MAP1B: variants seen among roughly 807,000 people sequenced by gnomAD.
MAP1B encodes microtubule-associated protein 1B.
Under a neutral mutation model 176.1 loss-of-function variants are expected in MAP1B, and 12 were observed. That is an observed-to-expected ratio of 0.07 (90% CI 0.04 to 0.11). MAP1B has a LOEUF of 0.11. Among genes scored for constraint, MAP1B ranks in the 10% least tolerant of loss-of-function variants. The pLI is 1.00. For synonymous variants in MAP1B, 1,044 were observed against 1,135.0 expected (o/e 0.92, Z 1.61); for missense variants, 2,523 against 2,990.5 (o/e 0.84, Z 3.65).
intron 2 of MAP1B, among the ~76,000 whole-genome samples, chr5:72,151,349 C>T (rs928686863): frequency 1.3e-5 from 2 of 152,186 alleles, no homozygotes; most frequent in African/African-American, 4.8e-5. Flanking sequence ...TCACCTCAGA[C>T]ACCCTCACAT....
rs1747245536 is a variant in MAP1B at position 72,198,663 on chromosome 5, G to T, written c.5308G>T (p.Val1770Leu). The T allele has an allele frequency of 2.5e-6, 4 of 1,614,016 alleles. No homozygotes were observed. The South Asian group carries it at 3.3e-5, about 13-fold the overall frequency. Residue 1770 changes from valine to leucine, a missense_variant, in exon 5 of 7, where the codon GTG becomes TTG. By Grantham distance (32) the Val-to-Leu change is conservative. Around this residue, in one of 4 missense-constraint regions of MAP1B, gnomAD observed 1,925 missense variants for 2,126.0 expected, o/e 0.91. Coordinates refer to ENST00000296755, the MANE Select transcript of MAP1B (RefSeq NM_005909.5). ...SLYASLTSEK[V>L]QSLEGEKLSP... ...ATATGCCTCACTCACCTCTGAAAAAGTGCAAAGTCTGGAAGGAGAGAAGCT... is the reference window on the plus strand; with the variant it reads ...ATATGCCTCACTCACCTCTGAAAAATTGCAAAGTCTGGAAGGAGAGAAGCT...
chr5:72,140,178 G>T (rs551932801), intron 2 of MAP1B, among the ~76,000 whole-genome samples: 1 of 152,056 alleles, frequency 6.6e-6, no homozygotes, highest in Non-Finnish European at 1.5e-5. Context: ...GCCCAGGCTG[G>T]TCTTGAACTC....
At position 72,197,582 on chromosome 5, in the gene MAP1B, T is replaced by C. The variant is rs1747213959; in HGVS notation, c.4227T>C (p.Ala1409=). 1.2e-6 allele frequency: 2 copies of C among 1,614,070 alleles called. No individual in the cohort carries two copies. Among genetic ancestry groups the C allele is most frequent in the African/African-American group, 1.3e-5 (1 of 74,900 alleles). ...CGCCCCTCATTGGATCCGAGTCTGC[T>C]TATGAAAGTTTTCTAAGTGCTGATG... ...RSPPLIGSES[A]YESFLSADDK... The change falls in exon 5 of 7, where the codon GCT becomes GCC. Residue 1409 remains alanine (A), a synonymous_variant. Transcript: ENST00000296755.
chr5:72,190,946 A>G (rs1747012648), intron 4 of MAP1B, among the ~76,000 whole-genome samples: 1 of 152,262 alleles, frequency 6.6e-6, no homozygotes, highest in South Asian at 2.1e-4. Context: ...TATTTCTTAC[A>G]TCTTCCTTCC....
At chr5:72,177,284 A>C (rs908273954) in intron 2 of MAP1B, among the ~76,000 whole-genome samples, 1 of 152,156 alleles carries the variant, frequency 6.6e-6, no homozygotes, top group Non-Finnish European at 1.5e-5. Flanking sequence ...AGAGCCGCTC[A>C]TTGTAGCTTC....
chr5:72,155,756 A>ATTC, intron 2 of MAP1B, among the ~76,000 whole-genome samples: 2 of 131,384 alleles, frequency 1.5e-5, no homozygotes, highest in Non-Finnish European at 3.3e-5. Context: ...TGATTGATTG[A>ATTC]TTTTCTTTTC....
At chr5:72,125,344 G>C (rs1353675148) in intron 2 of MAP1B, among the ~76,000 whole-genome samples, 1 of 152,186 alleles carries the variant, frequency 6.6e-6, no homozygotes, top group Non-Finnish European at 1.5e-5. Flanking sequence ...GCATACATGA[G>C]AGAAAGAGAG....
intron 1 of MAP1B, among the ~76,000 whole-genome samples, chr5:72,108,366 C>G (rs1294126336): frequency 1.3e-5 from 2 of 152,254 alleles, no homozygotes; most frequent in Non-Finnish European, 2.9e-5. Flanking sequence ...GCCTCGCTAC[C>G]GCCCTTGGGG....
At chr5:72,166,269 A>G (rs887914049) in intron 2 of MAP1B, among the ~76,000 whole-genome samples, 2 of 152,186 alleles carry the variant, frequency 1.3e-5, no homozygotes, top group African/African-American at 4.8e-5. Flanking sequence ...CCTAAGCAGC[A>G]CTGATTTCAT....
intron 2 of MAP1B, among the ~76,000 whole-genome samples, chr5:72,142,200 G>A (rs1401216537): frequency 6.6e-6 from 1 of 152,204 alleles, no homozygotes; most frequent in Non-Finnish European, 1.5e-5. Flanking sequence ...AAGGTGGCTG[G>A]GAGTGGAAGG....
rs1580008709 is a variant in MAP1B, at chr5:72,177,057, A to AT, written c.287-6684dup. ...CTATTGGTCTTTGGGGATCCGTGGAATTAGAACCAAGTCTCCTACCACCTT... is the reference window on the plus strand; with the variant it reads ...CTATTGGTCTTTGGGGATCCGTGGAATTTAGAACCAAGTCTCCTACCACCTT... On this transcript the variant is annotated intron_variant, in intron 2 of 6. Coordinates refer to ENST00000296755, the MANE Select transcript of MAP1B (RefSeq NM_005909.5). Among the ~76,000 whole-genome samples the AT allele has an allele frequency of 3.9e-5, 6 of 152,274 alleles. No homozygotes were observed. In the East Asian group the frequency reaches 1.2e-3, roughly 29 times the overall value.
intron 2 of MAP1B, among the ~76,000 whole-genome samples, chr5:72,150,597 C>T (rs189602154): frequency 6.6e-6 from 1 of 152,178 alleles, no homozygotes; most frequent in Admixed American, 6.5e-5. Context: ...ATTTCATCAC[C>T]CAGGTGTTAA....
chr5:72,157,171 A>C (rs1028873851), intron 2 of MAP1B, among the ~76,000 whole-genome samples: 1 of 152,178 alleles, frequency 6.6e-6, no homozygotes, highest in African/African-American at 2.4e-5. Context: ...AAATCAGTGC[A>C]TTTCTTTTAT....
intron 2 of MAP1B, among the ~76,000 whole-genome samples, chr5:72,157,824 G>A (rs1746252588): frequency 6.6e-6 from 1 of 152,122 alleles, no homozygotes; most frequent in Non-Finnish European, 1.5e-5. Flanking sequence ...GTAATGCCTT[G>A]CACATAGAAA....
At chr5:72,120,040 G>A (rs1011744130) in intron 2 of MAP1B, among the ~76,000 whole-genome samples, 1 of 152,124 alleles carries the variant, frequency 6.6e-6, no homozygotes, top group Non-Finnish European at 1.5e-5. Flanking sequence ...TCTATGTATA[G>A]TAGTAAAGAA....
rs1342935584 is a variant in MAP1B at position 72,206,208 on chromosome 5, A to G, written c.*969A>G. 1 of 152,702 alleles carries G rather than the reference A, an allele frequency of 6.5e-6. No homozygotes were observed. The highest frequency in any genetic ancestry group is 1.5e-5 in the Non-Finnish European group (1 of 68,050). The allele number at this position is 152,702 out of a possible 1,614,324, so 9.5% of individuals were successfully genotyped here. On this transcript the variant is annotated 3_prime_UTR_variant, in exon 7 of 7. Coordinates refer to ENST00000296755, the MANE Select transcript of MAP1B (RefSeq NM_005909.5). ...GGAAGTGACTTGAATGTACAAAGAT[A>G]CTTGATGCACTTATTTTTTAATGTG...
At chr5:72,182,556 G>A (rs1397470385) in intron 2 of MAP1B, among the ~76,000 whole-genome samples, 1 of 152,168 alleles carries the variant, frequency 6.6e-6, no homozygotes, top group Non-Finnish European at 1.5e-5. Context: ...CATCTGTTCG[G>A]GTTCCTGCTT....
At chr5:72,111,429 G>A (rs1422252992) in intron 1 of MAP1B, among the ~76,000 whole-genome samples, 2 of 152,150 alleles carry the variant, frequency 1.3e-5, no homozygotes, top group Non-Finnish European at 2.9e-5. Flanking sequence ...TTAGATAAAA[G>A]TTTAGCTGAT....
chr5:72,195,757 C>G lies in MAP1B; in HGVS notation c.2402C>G (p.Thr801Ser), dbSNP rs1161655795. Residue 801 changes from threonine to serine, a missense_variant, in exon 5 of 7, where the codon ACT becomes AGT. By Grantham distance (58) the Thr-to-Ser change is moderately conservative. This residue lies in a region of MAP1B where 1,925 missense variants were observed against 2,126.0 expected (regional missense o/e 0.91). Coordinates refer to ENST00000296755, the MANE Select transcript of MAP1B (RefSeq NM_005909.5). ...GAGGCTGTCGCTGCAGCTGTCGGCA[C>G]TGGAGCCACCACAGCAGCTGTCATG... ...AAEAVAAAVGTGATTAAVMAA... is the reference protein window; with the variant it reads ...AAEAVAAAVGSGATTAAVMAA... The G allele has an allele frequency of 6.2e-7, 1 of 1,614,266 alleles. No individual in the cohort carries two copies. Among genetic ancestry groups the G allele is most frequent in the Non-Finnish European group, 8.5e-7 (1 of 1,180,050 alleles).
Sources: gnomAD v4.1 joint callset for allele counts (sites outside exome capture counted in the v4.1 genomes callset) on GRCh38, gnomAD v4.1.1 for gene constraint, gnomAD v4.1.1 regional missense constraint, MANE v1.5 for transcripts, NCBI Gene and HGNC (gene_info 2026-07-23, HGNC 2026-07-21) for gene names.